FGGY: variants seen among roughly 807,000 people sequenced by gnomAD.
The protein encoded by FGGY is FGGY carbohydrate kinase domain-containing protein.
A neutral mutation model predicts 71.3 loss-of-function variants in FGGY; 72 were observed. The observed-to-expected ratio is 1.01, with a 90% confidence interval of 0.84 to 1.23. FGGY has a LOEUF of 1.23. Ranked by LOEUF, FGGY falls within the 50% of genes most tolerant of loss-of-function variation. The pLI is 0.00. For synonymous variants in FGGY, 251 were observed against 250.3 expected (o/e 1.00, Z -0.02); for missense variants, 668 against 682.3 (o/e 0.98, Z 0.23).
intron 4 of FGGY, among the ~76,000 whole-genome samples, chr1:59,358,472 T>C (rs532218354): frequency 6.6e-6 from 1 of 152,218 alleles, no homozygotes; most frequent in Non-Finnish European, 1.5e-5. Context: ...CGAGAGGCTG[T>C]GAAAGCCATT....
chr1:59,412,646 C>T (rs960950351), intron 5 of FGGY, among the ~76,000 whole-genome samples: 1 of 152,156 alleles, frequency 6.6e-6, no homozygotes, highest in African/African-American at 2.4e-5. Context: ...TATTCCAATT[C>T]ATTCATTCAT....
At chr1:59,591,594 T>G (rs1427438368) in intron 8 of FGGY, among the ~76,000 whole-genome samples, 2 of 152,072 alleles carry the variant, frequency 1.3e-5, no homozygotes, top group African/African-American at 4.8e-5. Flanking sequence ...AACAGAGATA[T>G]AGACCAATGT....
At chr1:59,316,965 C>G (rs2045568636) in intron 1 of FGGY, among the ~76,000 whole-genome samples, 1 of 152,182 alleles carries the variant, frequency 6.6e-6, no homozygotes, top group Non-Finnish European at 1.5e-5. Flanking sequence ...CCAGTTCCGA[C>G]TCTCACCATT....
chr1:59,750,488 T>G (rs1179361276), intron 14 of FGGY, among the ~76,000 whole-genome samples: 1 of 152,230 alleles, frequency 6.6e-6, no homozygotes, highest in Non-Finnish European at 1.5e-5. Context: ...ACCCATATAG[T>G]CAACACTCTA....
intron 8 of FGGY, among the ~76,000 whole-genome samples, chr1:59,600,790 A>T (rs6704387): frequency 0.18 from 27,249 of 152,096 alleles, 2,947 homozygotes; most frequent in South Asian, 0.35. Context: ...CTAACCAGAA[A>T]TATCCAAGTT....
intron 4 of FGGY, among the ~76,000 whole-genome samples, chr1:59,361,435 G>T (rs2055498415): frequency 6.6e-6 from 1 of 152,118 alleles, no homozygotes; most frequent in Non-Finnish European, 1.5e-5. Flanking sequence ...GCCAGTGGAT[G>T]AATTGGAATT....
chr1:59,655,261 T>C (rs1010495464), intron 11 of FGGY, among the ~76,000 whole-genome samples: 1 of 152,208 alleles, frequency 6.6e-6, no homozygotes, highest in Admixed American at 6.5e-5. Flanking sequence ...TGAATACTTA[T>C]TTTACTTTTG....
chr1:59,680,248 T>C (rs2097482977), intron 14 of FGGY, among the ~76,000 whole-genome samples: 1 of 152,092 alleles, frequency 6.6e-6, no homozygotes, highest in Admixed American at 6.5e-5. Flanking sequence ...CTGGATGAGA[T>C]TCTGATTCCT....
intron 7 of FGGY, among the ~76,000 whole-genome samples, chr1:59,546,516 TGATG>T (rs2095524337): frequency 2.0e-5 from 3 of 147,534 alleles, no homozygotes; most frequent in South Asian, 4.4e-4. Flanking sequence ...ATGATGATGA[TGATG>T]ATGATGATGA....
intron 14 of FGGY, among the ~76,000 whole-genome samples, chr1:59,751,546 A>G (rs942342904): frequency 2.0e-5 from 3 of 152,252 alleles, no homozygotes; most frequent in African/African-American, 7.2e-5. Flanking sequence ...TGATGGCTTC[A>G]TGCTAATATT....
chr1:59,378,743 T>C lies in FGGY; in HGVS notation c.466-6T>C. On this transcript the variant is annotated splice_region_variant and splice_polypyrimidine_tract_variant and intron_variant, in intron 4 of 15. Coordinates refer to ENST00000303721, the MANE Select transcript of FGGY (RefSeq NM_018291.5). ...AATTGATTCTAATATATATTTAATTTGGCAGAACTTGAGAGAGATTTGCTG... is the reference window on the plus strand; with the variant it reads ...AATTGATTCTAATATATATTTAATTCGGCAGAACTTGAGAGAGATTTGCTG... The C allele has an allele frequency of 4.3e-6, 7 of 1,611,916 alleles. No homozygotes were observed. The highest frequency in any genetic ancestry group is 5.9e-6 in the Non-Finnish European group (7 of 1,178,640).
chr1:59,537,135 C>A (rs950652920), intron 7 of FGGY, among the ~76,000 whole-genome samples: 22 of 150,460 alleles, frequency 1.5e-4, no homozygotes, highest in African/African-American at 5.4e-4. Flanking sequence ...AGCTGATAAG[C>A]AACTTCAGCA....
chr1:59,659,804 A>T (rs757478204), intron 11 of FGGY, among the ~76,000 whole-genome samples: 10 of 152,212 alleles, frequency 6.6e-5, no homozygotes, highest in African/African-American at 2.2e-4. Flanking sequence ...ATGCTGTTAC[A>T]CTGAAGTCTG....
chr1:59,380,414 A>G (rs1571333058), intron 5 of FGGY, among the ~76,000 whole-genome samples: 1 of 151,578 alleles, frequency 6.6e-6, no homozygotes, highest in Non-Finnish European at 1.5e-5. Context: ...TCCCACCAAC[A>G]GTGTAAAAGT....
At chr1:59,384,220 C>T (rs1571396798) in intron 5 of FGGY, among the ~76,000 whole-genome samples, 1 of 152,042 alleles carries the variant, frequency 6.6e-6, no homozygotes, top group African/African-American at 2.4e-5. Context: ...TTAATCATCC[C>T]GTTCCCCCAC....
At chr1:59,636,941 A>T (rs2096966411) in intron 10 of FGGY, among the ~76,000 whole-genome samples, 1 of 152,214 alleles carries the variant, frequency 6.6e-6, no homozygotes, top group Non-Finnish European at 1.5e-5. Flanking sequence ...CCATGTTTTT[A>T]ACCTTTAAAG....
At chr1:59,589,994 T>C (rs11207486) in intron 8 of FGGY, among the ~76,000 whole-genome samples, 60,001 of 151,426 alleles carry the variant, frequency 0.4, 14,270 homozygotes, top group African/African-American at 0.65. Context: ...TTAATGAATC[T>C]AGGAGCTGGT....
intron 14 of FGGY, among the ~76,000 whole-genome samples, chr1:59,692,517 G>GA (rs981295474): frequency 6.6e-5 from 10 of 150,682 alleles, no homozygotes; most frequent in African/African-American, 1.2e-4. Flanking sequence ...AAGCAAAAGG[G>GA]AAAAAAAATT....
intron 5 of FGGY, among the ~76,000 whole-genome samples, chr1:59,447,736 G>A (rs985240753): frequency 2.0e-5 from 3 of 152,128 alleles, no homozygotes; most frequent in East Asian, 1.9e-4. Flanking sequence ...CATATAAGAC[G>A]TGCCTTTTAC....
Sources: gnomAD v4.1 joint callset for allele counts (sites outside exome capture counted in the v4.1 genomes callset) on GRCh38, gnomAD v4.1.1 for gene constraint, MANE v1.5 for transcripts, NCBI Gene and HGNC (gene_info 2026-07-23, HGNC 2026-07-21) for gene names.